The following SORCS1 variants were observed in gnomAD, a reference collection of about 807,000 sequenced individuals.
The protein encoded by SORCS1 is VPS10 domain-containing receptor SorCS1.
SORCS1 carries 60 observed loss-of-function variants against 146.1 expected under a neutral mutation model. That is an observed-to-expected ratio of 0.41 (90% CI 0.33 to 0.51). The LOEUF (loss-of-function observed/expected upper bound fraction) is 0.51, where lower values mean the gene tolerates loss of function less well. SORCS1 is among the 20% of genes least tolerant of loss of function. The pLI is 0.21. For missense variants in SORCS1, 1,352 were observed against 1,487.6 expected (o/e 0.91, Z 1.50); for synonymous variants, 637 against 584.0 (o/e 1.09, Z -1.31).
chr10:107,075,874 A>C (rs1291776235), intron 1 of SORCS1, among the ~76,000 whole-genome samples: 1 of 152,072 alleles, frequency 6.6e-6, no homozygotes, highest in African/African-American at 2.4e-5. Flanking sequence ...ATTTTCAGGC[A>C]ACGATTTTCT....
rs532788797 is a variant in SORCS1 at position 106,649,810 on chromosome 10, C to A, written c.2475+2572G>T. 5.3e-4 allele frequency among the ~76,000 whole-genome samples: 80 copies of A among 152,214 alleles called. 1 individual carries two copies. The highest frequency in any genetic ancestry group is 3.4e-3 in the Middle Eastern group (1 of 294). ...TTTTTTCTCTATATTCTATTTCTTT[C>A]TTTTATGCTCTAGATGGCGTATTTC... On this transcript the variant is annotated intron_variant, in intron 18 of 25. Transcript: ENST00000263054.
chr10:107,145,300 A>T (rs533903697), intron 1 of SORCS1, among the ~76,000 whole-genome samples: 3 of 152,338 alleles, frequency 2.0e-5, no homozygotes, highest in Non-Finnish European at 4.4e-5. Flanking sequence ...TGACCAAAAG[A>T]AGAAAATGAG....
chr10:107,177,767 T>C, the SORCS1 span, among the ~76,000 whole-genome samples: 18 of 152,346 alleles, frequency 1.2e-4, no homozygotes, highest in South Asian at 3.7e-3. Context: ...CTCTTCTAGC[T>C]ATTTTGAAAT....
chr10:106,771,791 A>C (rs1341061387), intron 4 of SORCS1, among the ~76,000 whole-genome samples: 1 of 152,146 alleles, frequency 6.6e-6, no homozygotes, highest in African/African-American at 2.4e-5. Flanking sequence ...GGGCTTTCCA[A>C]AGGCACATCC....
At chr10:106,819,469 C>A (rs1299805150) in intron 3 of SORCS1, among the ~76,000 whole-genome samples, 1 of 152,114 alleles carries the variant, frequency 6.6e-6, no homozygotes, top group Non-Finnish European at 1.5e-5. Flanking sequence ...TCCGCAGTGA[C>A]AGGAAATAGG....
Position 106,618,184 on chromosome 10 carries a change from GC to G in SORCS1, c.2884del (p.Ala962ProfsTer99). 1 of 1,614,052 alleles carries G rather than the reference GC, an allele frequency of 6.2e-7. No homozygotes were observed. Among genetic ancestry groups the G allele is most frequent in the Non-Finnish European group, 8.5e-7 (1 of 1,179,946 alleles). On this transcript the variant is annotated frameshift_variant, in exon 21 of 26. Transcript: ENST00000263054. LOFTEE classifies it high-confidence loss of function. ...GATGGTCTTTGTGTCTTGTAGGATGGCATTCCCAGCTGAGACCTGCACTGTG... is the reference window on the plus strand; with the variant it reads ...GATGGTCTTTGTGTCTTGTAGGATGGATTCCCAGCTGAGACCTGCACTGTG... The part of the protein sequence containing the change: ...TITVQVSAGN[A>X]ILQDTKTIAV...
chr10:107,010,188 A>C (rs1268748428), intron 1 of SORCS1, among the ~76,000 whole-genome samples: 1 of 152,240 alleles, frequency 6.6e-6, no homozygotes, highest in African/African-American at 2.4e-5. Context: ...TAAGCACATG[A>C]ACTTATACAT....
chr10:107,022,078 C>G (rs1404720247), intron 1 of SORCS1, among the ~76,000 whole-genome samples: 1 of 152,052 alleles, frequency 6.6e-6, no homozygotes, highest in Non-Finnish European at 1.5e-5. Context: ...TTTTAACGGC[C>G]CTCTCCCTCA....
intron 1 of SORCS1, among the ~76,000 whole-genome samples, chr10:107,040,847 T>C (rs934418025): frequency 1.2e-4 from 19 of 152,262 alleles, no homozygotes; most frequent in Admixed American, 5.9e-4. Flanking sequence ...TTTACCAGCG[T>C]TGGAAATGTC....
chr10:107,153,947 TATAATAATTG>T (rs1969052130), intron 1 of SORCS1, among the ~76,000 whole-genome samples: 1 of 151,836 alleles, frequency 6.6e-6, no homozygotes, highest in Admixed American at 6.6e-5. Context: ...TTTTACAGTA[TATAATAATTG>T]AAAAAAACTG....
At chr10:106,842,199 T>A (rs1047726553) in intron 2 of SORCS1, among the ~76,000 whole-genome samples, 1 of 152,180 alleles carries the variant, frequency 6.6e-6, no homozygotes, top group Non-Finnish European at 1.5e-5. Context: ...TTTATATGCT[T>A]ACTGGACATC....
intron 5 of SORCS1, among the ~76,000 whole-genome samples, chr10:106,749,755 C>T (rs10786970): frequency 0.2 from 31,116 of 152,094 alleles, 3,791 homozygotes; most frequent in East Asian, 0.48. Context: ...CCTATTCCTC[C>T]TTTTAGCAGC....
intron 1 of SORCS1, among the ~76,000 whole-genome samples, chr10:107,121,283 C>A (rs1409731549): frequency 6.6e-6 from 1 of 152,084 alleles, no homozygotes; most frequent in Non-Finnish European, 1.5e-5. Flanking sequence ...TCCTGAGAGC[C>A]ATTTTTGACA....
intron 4 of SORCS1, among the ~76,000 whole-genome samples, chr10:106,763,554 C>T (rs142464387): frequency 9.5e-4 from 145 of 152,292 alleles, no homozygotes; most frequent in African/African-American, 3.1e-3. Context: ...GGCCCTGTCA[C>T]CTTCTCACAC....
At chr10:107,009,707 T>C (rs1957614980) in intron 1 of SORCS1, among the ~76,000 whole-genome samples, 1 of 152,210 alleles carries the variant, frequency 6.6e-6, no homozygotes, top group Non-Finnish European at 1.5e-5. Flanking sequence ...ATTGAAAATA[T>C]CACAATCTCA....
chr10:106,806,486 T>C (rs1215573894), intron 3 of SORCS1, among the ~76,000 whole-genome samples: 1 of 149,360 alleles, frequency 6.7e-6, no homozygotes, highest in East Asian at 1.9e-4. Flanking sequence ...ACTACAGCCC[T>C]TCTGATGAGA....
chr10:106,721,400 C>A (rs1214992177), intron 6 of SORCS1, among the ~76,000 whole-genome samples: 1 of 151,262 alleles, frequency 6.6e-6, no homozygotes, highest in African/African-American at 2.4e-5. Flanking sequence ...TGTATCAATG[C>A]CAAAGGTTTC....
At chr10:106,582,892 C>T (rs1017849729) in intron 24 of SORCS1, among the ~76,000 whole-genome samples, 2 of 152,164 alleles carry the variant, frequency 1.3e-5, no homozygotes, top group Non-Finnish European at 2.9e-5. Flanking sequence ...TAACAACAAT[C>T]TTCTTGTGAA....
At chr10:106,894,968 C>A (rs1321026527) in intron 2 of SORCS1, among the ~76,000 whole-genome samples, 1 of 152,054 alleles carries the variant, frequency 6.6e-6, no homozygotes, top group Non-Finnish European at 1.5e-5. Flanking sequence ...TGTAAGTACC[C>A]CAACATATTA....
Sources: gnomAD v4.1 joint callset for allele counts (sites outside exome capture counted in the v4.1 genomes callset) on GRCh38, gnomAD v4.1.1 for gene constraint, MANE v1.5 for transcripts, NCBI Gene and HGNC (gene_info 2026-07-23, HGNC 2026-07-21) for gene names.